Variants in GPC5 observed in about 807,000 individuals in gnomAD.
GPC5 encodes glypican 5.
In GPC5, 47 loss-of-function variants were observed where a neutral mutation model predicts 53.9. That is an observed-to-expected ratio of 0.87 (90% CI 0.69 to 1.11). The LOEUF (loss-of-function observed/expected upper bound fraction) is 1.11, where lower values mean the gene tolerates loss of function less well. Ranked by LOEUF, GPC5 falls within the 50% of genes most tolerant of loss-of-function variation. The pLI is 0.00. For synonymous variants in GPC5, 286 were observed against 263.3 expected (o/e 1.09, Z -0.84); for missense variants, 748 against 713.1 (o/e 1.05, Z -0.56).
chr13:92,264,896 G>A (rs974041154), intron 7 of GPC5, among the ~76,000 whole-genome samples: 1 of 147,904 alleles, frequency 6.8e-6, no homozygotes, highest in Non-Finnish European at 1.5e-5. Context: ...GTGTGTGTGT[G>A]TGTGTGTGTG....
chr13:92,500,914 A>G (rs1188950265), intron 7 of GPC5, among the ~76,000 whole-genome samples: 1 of 152,136 alleles, frequency 6.6e-6, no homozygotes, highest in Admixed American at 6.6e-5. Flanking sequence ...TTCAGGGGAG[A>G]TTACAGAGAG....
At chr13:92,727,724 T>C (rs1243375836) in intron 7 of GPC5, among the ~76,000 whole-genome samples, 1 of 151,402 alleles carries the variant, frequency 6.6e-6, no homozygotes, top group African/African-American at 2.4e-5. Context: ...AAAAGAAACA[T>C]ACCCTTAATG....
chr13:92,307,445 C>A (rs2043118328), intron 7 of GPC5, among the ~76,000 whole-genome samples: 1 of 152,140 alleles, frequency 6.6e-6, no homozygotes, highest in East Asian at 1.9e-4. Flanking sequence ...TAGTTGGAGA[C>A]TCTGTCTCAA....
At position 91,526,852 on chromosome 13, in the gene GPC5, G is replaced by A. The variant is rs538495330; in HGVS notation, c.325+77930G>A. On this transcript the variant is annotated intron_variant, in intron 2 of 7. Transcript: ENST00000377067. The stretch of plus-strand genomic sequence containing the variant: ...GGGGAAGCAAGGCATGTCTTACGTG[G>A]CAGCAGGAGAGAGAGAGAGCACAGG... 3.9e-5 allele frequency among the ~76,000 whole-genome samples: 6 copies of A among 152,234 alleles called. No homozygotes were observed. In the South Asian group the frequency reaches 1.2e-3, roughly 32 times the overall value.
At chr13:92,793,975 T>G (rs975901325) in intron 7 of GPC5, among the ~76,000 whole-genome samples, 2 of 152,114 alleles carry the variant, frequency 1.3e-5, no homozygotes, top group Non-Finnish European at 2.9e-5. Flanking sequence ...GCTGGTACCA[T>G]TCCTTCTGAA....
chr13:91,483,657 AT>A (rs1229230083), intron 2 of GPC5, among the ~76,000 whole-genome samples: 1 of 152,178 alleles, frequency 6.6e-6, no homozygotes, highest in Non-Finnish European at 1.5e-5. Flanking sequence ...AAAAATTTGG[AT>A]TTAAAAAAAT....
chr13:92,510,142 A>G (rs915121219), intron 7 of GPC5: 1 of 152,198 alleles, frequency 6.6e-6, no homozygotes, highest in African/African-American at 2.4e-5. Context: ...TTTCTTATAC[A>G]CACTGCTTTT....
At chr13:92,841,893 G>A (rs1048392986) in intron 7 of GPC5, among the ~76,000 whole-genome samples, 1 of 151,990 alleles carries the variant, frequency 6.6e-6, no homozygotes, top group African/African-American at 2.4e-5. Context: ...TGCTTGACAT[G>A]TTCCTCTCTC....
intron 2 of GPC5, among the ~76,000 whole-genome samples, chr13:91,596,343 G>T (rs951434248): frequency 6.6e-6 from 1 of 152,124 alleles, no homozygotes; most frequent in Non-Finnish European, 1.5e-5. Flanking sequence ...TAGATCACAT[G>T]CTATGTGATT....
chr13:92,412,775 T>G (rs1876105422), intron 7 of GPC5, among the ~76,000 whole-genome samples: 1 of 152,170 alleles, frequency 6.6e-6, no homozygotes, highest in African/African-American at 2.4e-5. Context: ...TTAGTAATAC[T>G]TTACCTCTCT....
At chr13:91,860,828 C>T (rs1818417874) in intron 5 of GPC5, among the ~76,000 whole-genome samples, 1 of 152,112 alleles carries the variant, frequency 6.6e-6, no homozygotes, top group South Asian at 2.1e-4. Flanking sequence ...TTTATCCACT[C>T]ATCTGTTGTT....
At chr13:91,443,441 A>G (rs979991958) in intron 1 of GPC5, among the ~76,000 whole-genome samples, 2 of 152,178 alleles carry the variant, frequency 1.3e-5, no homozygotes, top group Non-Finnish European at 2.9e-5. Context: ...CAGAACTGTG[A>G]GAAAATAAAT....
chr13:91,825,162 A>G (rs912591421), intron 5 of GPC5, among the ~76,000 whole-genome samples: 2 of 151,634 alleles, frequency 1.3e-5, no homozygotes, highest in African/African-American at 2.4e-5. Flanking sequence ...TAGAGAGAGA[A>G]AGAGAGAGAC....
At chr13:92,820,609 C>T (rs1877641339) in intron 7 of GPC5, among the ~76,000 whole-genome samples, 1 of 152,130 alleles carries the variant, frequency 6.6e-6, no homozygotes, top group Non-Finnish European at 1.5e-5. Context: ...CCTCCTGCTT[C>T]CCTCTCCCTT....
At chr13:91,562,694 C>T (rs577725343) in intron 2 of GPC5, among the ~76,000 whole-genome samples, 1 of 146,756 alleles carries the variant, frequency 6.8e-6, no homozygotes, top group African/African-American at 2.6e-5. Context: ...GCTGGGATTA[C>T]AGGCATGAGC....
intron 7 of GPC5, among the ~76,000 whole-genome samples, chr13:92,208,004 C>T (rs1048590613): frequency 2.6e-5 from 4 of 152,180 alleles, no homozygotes; most frequent in African/African-American, 9.7e-5. Flanking sequence ...CATGTGTAGC[C>T]TCTGTCGTTC....
At chr13:92,718,477 A>G (rs1232025481) in intron 7 of GPC5, among the ~76,000 whole-genome samples, 1 of 152,140 alleles carries the variant, frequency 6.6e-6, no homozygotes, top group Non-Finnish European at 1.5e-5. Flanking sequence ...GTTTTCACCC[A>G]TTTGTGAGAG....
chr13:91,823,802 C>T (rs2038533221), intron 5 of GPC5, among the ~76,000 whole-genome samples: 3 of 152,006 alleles, frequency 2.0e-5, no homozygotes, highest in Admixed American at 1.3e-4. Flanking sequence ...TATCTCCACC[C>T]CTTATTTGAT....
At chr13:92,034,079 C>T (rs991258679) in intron 6 of GPC5, among the ~76,000 whole-genome samples, 2 of 152,154 alleles carry the variant, frequency 1.3e-5, no homozygotes, top group African/African-American at 4.8e-5. Context: ...AATCCTCCAA[C>T]ACAATGGATT....
Sources: gnomAD v4.1 joint callset for allele counts (sites outside exome capture counted in the v4.1 genomes callset) on GRCh38, gnomAD v4.1.1 for gene constraint, MANE v1.5 for transcripts, NCBI Gene and HGNC (gene_info 2026-07-23, HGNC 2026-07-21) for gene names.